The following ARHGEF7 variants were observed in gnomAD, a reference collection of about 807,000 sequenced individuals.
The protein encoded by ARHGEF7 is Rho guanine nucleotide exchange factor 7.
In ARHGEF7, 33 loss-of-function variants were observed where a neutral mutation model predicts 109.8. The observed-to-expected ratio is 0.30, with a 90% CI of 0.23 to 0.40. The LOEUF (loss-of-function observed/expected upper bound fraction) is 0.40. Among genes scored for constraint, ARHGEF7 ranks in the 10% least tolerant of loss-of-function variants. The probability of loss-of-function intolerance (pLI) is 1.00; values close to 1 mark genes in which losing one functional copy is unlikely to be tolerated. For synonymous variants in ARHGEF7, 458 were observed against 424.6 expected, an observed-to-expected ratio of 1.08 and a Z score of -0.97; for missense variants, 938 against 1,098.5, an observed-to-expected ratio of 0.85 and a Z score of 2.07.
chr13:111,164,061 ATTAT>A (rs58556466), intron 2 of ARHGEF7, among the ~76,000 whole-genome samples: 28,028 of 152,012 alleles, frequency 0.18, 2,848 homozygotes, highest in Admixed American at 0.25. Flanking sequence ...TTGCGTTTGG[ATTAT>A]TTAAGAGGCT....
chr13:111,257,041 A>G (rs1184112599), intron 8 of ARHGEF7, among the ~76,000 whole-genome samples: 2 of 152,260 alleles, frequency 1.3e-5, no homozygotes, highest in Admixed American at 6.5e-5. Context: ...AATAATCTAC[A>G]GATGTCCCTC....
chr13:111,256,694 G>C (rs1477710953), intron 8 of ARHGEF7, among the ~76,000 whole-genome samples: 1 of 152,146 alleles, frequency 6.6e-6, no homozygotes, highest in Admixed American at 6.5e-5. Flanking sequence ...AACCTTTAGT[G>C]TATCTTTAAC....
intron 19 of ARHGEF7, among the ~76,000 whole-genome samples, chr13:111,299,351 T>TA (rs1282642221): frequency 6.8e-6 from 1 of 147,836 alleles, no homozygotes; most frequent in Non-Finnish European, 1.5e-5. Flanking sequence ...TTTTTTTTTT[T>TA]TTTTTTTTTG....
At chr13:111,286,347 A>G in intron 17 of ARHGEF7, 107 bp downstream of exon 17, 8 of 882,712 alleles carry the variant, frequency 9.1e-6, no homozygotes, top group Non-Finnish European at 1.5e-5. Context: ...GACTCCAAAC[A>G]AAAGTAAGGT....
At chr13:111,292,533 G>A (rs2093321758) in intron 19 of ARHGEF7, 1 of 1,408,288 alleles carries the variant, frequency 7.1e-7, no homozygotes, top group Non-Finnish European at 9.2e-7. Context: ...GAGGGAGGTG[G>A]TGTGTTCACG....
intron 4 of ARHGEF7, among the ~76,000 whole-genome samples, chr13:111,217,241 G>A (rs116428356): frequency 6.6e-6 from 1 of 152,212 alleles, no homozygotes; most frequent in African/African-American, 2.4e-5. Flanking sequence ...ATGGTATCTG[G>A]AAATATACTG....
intron 2 of ARHGEF7, among the ~76,000 whole-genome samples, chr13:111,173,972 G>A (rs562691792): frequency 6.6e-6 from 1 of 152,288 alleles, no homozygotes; most frequent in East Asian, 1.9e-4. Flanking sequence ...TAATTTTCAA[G>A]ACAAATTTGT....
chr13:111,179,250 T>A (rs1465290285), intron 2 of ARHGEF7, among the ~76,000 whole-genome samples: 2 of 152,084 alleles, frequency 1.3e-5, no homozygotes, highest in African/African-American at 4.8e-5. Flanking sequence ...AGCTACTTTT[T>A]TTTGTGTGTT....
In ARHGEF7 at chr13:111,286,247, A is replaced by G; in HGVS notation, c.2044+7A>G. The G allele has an allele frequency of 1.9e-6, 3 of 1,610,924 alleles. No individual in the cohort carries two copies. The highest frequency in any genetic ancestry group is 2.5e-6 in the Non-Finnish European group (3 of 1,177,734). The stretch of plus-strand genomic sequence containing the variant: ...GAGTTCGCGTCCCGGAAAAGTGAGT[A>G]CCTGCGGTCCGTGTGGTGGAGGACG... On this transcript the variant is annotated splice_region_variant and intron_variant, in intron 17 of 21. Coordinates refer to ENST00000646102, the MANE Select transcript of ARHGEF7 (RefSeq NM_001354046.2).
At chr13:111,146,452 A>C (rs2075597378) in intron 1 of ARHGEF7, among the ~76,000 whole-genome samples, 1 of 152,228 alleles carries the variant, frequency 6.6e-6, no homozygotes, top group Non-Finnish European at 1.5e-5. Context: ...AATCAGATGA[A>C]GACTTTAAAC....
chr13:111,115,057 G>C (rs903618706), upstream of ARHGEF7: 1 of 150,778 alleles, frequency 6.6e-6, no homozygotes, highest in Non-Finnish European at 1.5e-5. Flanking sequence ...GCCCGGGGCA[G>C]GTAAGCGCAG....
intron 2 of ARHGEF7, chr13:111,187,101 G>A (rs61966723): frequency 0.21 from 156,493 of 759,618 alleles, 17,392 homozygotes; most frequent in East Asian, 0.7. Context: ...GTCCTTTTGC[G>A]TGCATTTGTG....
At chr13:111,285,532 G>T (rs969166888) in intron 16 of ARHGEF7, among the ~76,000 whole-genome samples, 2 of 152,184 alleles carry the variant, frequency 1.3e-5, no homozygotes, top group African/African-American at 4.8e-5. Flanking sequence ...GAAGAGGTAA[G>T]GGGTGGGCCA....
intron 15 of ARHGEF7, chr13:111,282,786 T>C: frequency 3.0e-6 from 1 of 334,608 alleles, no homozygotes. Flanking sequence ...TGTGCTTTTG[T>C]GAAATTCTCA....
chr13:111,166,208 ATTTT>A (rs1161430015), intron 2 of ARHGEF7, among the ~76,000 whole-genome samples: 1 of 152,040 alleles, frequency 6.6e-6, no homozygotes, highest in Non-Finnish European at 1.5e-5. Context: ...GATTTTGGTC[ATTTT>A]CCTCCTGACT....
Position 111,241,385 on chromosome 13 carries a change from T to C in ARHGEF7, c.760-2487T>C, listed in dbSNP as rs892104517. ...CCCGAGGTCAGGAAGGCCAGCAACC[T>C]CCTGGCAGAGGGAGTGGGCACCCCA... On this transcript the variant is annotated intron_variant, in intron 6 of 21. Coordinates refer to ENST00000646102, the MANE Select transcript of ARHGEF7 (RefSeq NM_001354046.2). 3.9e-6 allele frequency: 6 copies of C among 1,531,266 alleles called. No individual in the cohort carries two copies. The African/African-American group carries it at 8.2e-5, about 21-fold the overall frequency. The allele number at this position is 1,531,266 out of a possible 1,614,324, so 94.9% of individuals were successfully genotyped here.
intron 2 of ARHGEF7, among the ~76,000 whole-genome samples, chr13:111,186,298 T>C (rs938823227): frequency 6.6e-6 from 1 of 152,240 alleles, no homozygotes; most frequent in African/African-American, 2.4e-5. Context: ...ACTTCTTTTT[T>C]GAAGATGTAT....
At chr13:111,121,882 T>C (rs1017751104) in intron 1 of ARHGEF7, among the ~76,000 whole-genome samples, 11 of 152,184 alleles carry the variant, frequency 7.2e-5, no homozygotes, top group African/African-American at 2.2e-4. Context: ...GTGGGGGCAG[T>C]GAGGTCATTA....
At chr13:111,269,133 C>G (rs2091922776) in intron 9 of ARHGEF7, among the ~76,000 whole-genome samples, 2 of 152,224 alleles carry the variant, frequency 1.3e-5, no homozygotes, top group African/African-American at 2.4e-5. Flanking sequence ...CAGCATGTTT[C>G]CAGTTATGTG....
Sources: gnomAD v4.1 joint callset for allele counts (sites outside exome capture counted in the v4.1 genomes callset) on GRCh38, gnomAD v4.1.1 for gene constraint, MANE v1.5 for transcripts, NCBI Gene and HGNC (gene_info 2026-07-23, HGNC 2026-07-21) for gene names.